The following CA10 variants were observed in gnomAD, a reference collection of about 807,000 sequenced individuals.
The protein encoded by CA10 is carbonic anhydrase-related protein 10.
CA10 carries 14 observed loss-of-function variants against 44.2 expected under a neutral mutation model. The ratio of observed to expected loss-of-function variants is 0.32; its 90% CI spans 0.21 to 0.50. The LOEUF (loss-of-function observed/expected upper bound fraction) is 0.50, where lower values mean the gene tolerates loss of function less well. CA10 is among the 20% of genes least tolerant of loss of function. The pLI is 0.99. For missense variants in CA10, 350 were observed against 409.7 expected (o/e 0.85, Z 1.26); for synonymous variants, 159 against 141.6 (o/e 1.12, Z -0.87).
intron 2 of CA10, among the ~76,000 whole-genome samples, chr17:52,055,867 G>A (rs1264439393): frequency 1.3e-5 from 2 of 152,082 alleles, no homozygotes; most frequent in African/African-American, 4.8e-5. Context: ...TAAGAATAAG[G>A]CAGATAGCCT....
intron 1 of CA10, among the ~76,000 whole-genome samples, chr17:52,145,983 A>G (rs1310320263): frequency 6.6e-6 from 1 of 152,238 alleles, no homozygotes; most frequent in East Asian, 1.9e-4. Context: ...ATGCTTAAAA[A>G]CAAGGGAAAG....
intron 2 of CA10, among the ~76,000 whole-genome samples, chr17:51,998,701 G>A (rs539712599): frequency 7.2e-5 from 11 of 152,150 alleles, no homozygotes; most frequent in Admixed American, 5.2e-4. Flanking sequence ...CAGGGAAAGA[G>A]TCTAGTATTA....
At chr17:52,138,724 G>A (rs1989412663) in intron 1 of CA10, among the ~76,000 whole-genome samples, 1 of 152,186 alleles carries the variant, frequency 6.6e-6, no homozygotes, top group Non-Finnish European at 1.5e-5. Flanking sequence ...ACACAGCAGT[G>A]GCAGGAGTCT....
At chr17:52,152,413 A>G (rs369748018) in intron 1 of CA10, among the ~76,000 whole-genome samples, 10 of 152,206 alleles carry the variant, frequency 6.6e-5, no homozygotes, top group African/African-American at 2.4e-4. Flanking sequence ...CAGTTGGGAC[A>G]TTCTTTAGCG....
intron 4 of CA10, among the ~76,000 whole-genome samples, chr17:51,689,087 C>T (rs1217895514): frequency 3.3e-5 from 5 of 152,202 alleles, no homozygotes; most frequent in African/African-American, 1.2e-4. Context: ...TGCTCTCAAC[C>T]ATATCATCCC....
chr17:51,871,218 C>A (rs541587033), intron 3 of CA10, among the ~76,000 whole-genome samples: 2 of 151,004 alleles, frequency 1.3e-5, no homozygotes, highest in East Asian at 3.9e-4. Flanking sequence ...CCAACCATGC[C>A]TGGCTTGCTT....
chr17:51,683,368 G>C (rs1263951), intron 4 of CA10, among the ~76,000 whole-genome samples: 63,836 of 152,004 alleles, frequency 0.42, 13,839 homozygotes, highest in African/African-American at 0.52. Flanking sequence ...AGACAAGTTA[G>C]TAAAGCTCTC....
chr17:51,756,708 C>T (rs990772957), intron 3 of CA10, among the ~76,000 whole-genome samples: 4 of 152,040 alleles, frequency 2.6e-5, no homozygotes, highest in African/African-American at 9.7e-5. Flanking sequence ...GATTTCCTGA[C>T]CTCATGATCC....
Position 51,889,696 on chromosome 17 carries a change from C to T in CA10, c.279+41294G>A, listed in dbSNP as rs117756990. Among the ~76,000 whole-genome samples the T allele has an allele frequency of 8.5e-5, 13 of 152,294 alleles. No homozygotes were observed. The East Asian group carries it at 2.3e-3, about 27-fold the overall frequency. ...TTGCCTACATTATAATTAAACTTTCCTACCCATAGGAGCATTTCTATCTTT... is the reference window on the plus strand; with the variant it reads ...TTGCCTACATTATAATTAAACTTTCTTACCCATAGGAGCATTTCTATCTTT... On this transcript the variant is annotated intron_variant, in intron 3 of 8. Coordinates refer to ENST00000451037, the MANE Select transcript of CA10 (RefSeq NM_020178.5).
At chr17:52,140,708 C>A (rs1206389333) in intron 1 of CA10, among the ~76,000 whole-genome samples, 3 of 152,076 alleles carry the variant, frequency 2.0e-5, no homozygotes, top group African/African-American at 7.2e-5. Context: ...AGTGCAAATA[C>A]CATGTCTAAG....
At chr17:52,154,361 T>C (rs1354086978) in intron 1 of CA10, among the ~76,000 whole-genome samples, 1 of 152,192 alleles carries the variant, frequency 6.6e-6, no homozygotes, top group East Asian at 1.9e-4. Context: ...GTGCAATATA[T>C]GTACAATGTG....
chr17:52,082,418 T>C (rs1029642836), intron 1 of CA10, among the ~76,000 whole-genome samples: 1 of 152,220 alleles, frequency 6.6e-6, no homozygotes, highest in African/African-American at 2.4e-5. Flanking sequence ...ACATTACGTC[T>C]TGTTTTTTCA....
chr17:51,820,405 A>ACCCCCC lies in CA10; in HGVS notation c.280-72593_280-72588dup, dbSNP rs748623140. 2.8e-4 allele frequency among the ~76,000 whole-genome samples: 11 copies of ACCCCCC among 39,172 alleles called. 1 individual carries two copies. The highest frequency in any genetic ancestry group is 5.1e-4 in the African/African-American group (3 of 5,888). The allele number at this position is 39,172 out of a possible 152,430, so 25.7% of individuals were successfully genotyped here. A position where few individuals can be genotyped will look rare whatever the true frequency, so the allele number is the denominator to read the frequency against. On this transcript the variant is annotated intron_variant, in intron 3 of 8. Transcript: ENST00000451037. ...GTTTTATAAACCTGGGGATTCCCCT[A>ACCCCCC]CCCCCCCCCCCCCGCCCGCCGATTT...
chr17:52,067,347 G>A (rs1878820030), intron 2 of CA10, among the ~76,000 whole-genome samples: 1 of 152,188 alleles, frequency 6.6e-6, no homozygotes. Flanking sequence ...ATGTGGTGTT[G>A]GGCCTGTGGG....
chr17:51,921,411 T>C (rs1341345810), intron 3 of CA10, among the ~76,000 whole-genome samples: 1 of 152,240 alleles, frequency 6.6e-6, no homozygotes, highest in African/African-American at 2.4e-5. Context: ...TTCTCCCCTA[T>C]GTCTGAGCCT....
chr17:52,039,494 A>G (rs963677242), intron 2 of CA10, among the ~76,000 whole-genome samples: 4 of 152,114 alleles, frequency 2.6e-5, no homozygotes, highest in African/African-American at 7.2e-5. Context: ...AGATGGCTGA[A>G]CCAATGGGCT....
chr17:51,713,536 T>G (rs1411178687), intron 4 of CA10, among the ~76,000 whole-genome samples: 1 of 152,240 alleles, frequency 6.6e-6, no homozygotes. Flanking sequence ...AGTTGTCACT[T>G]AAGCCTAGGA....
At chr17:51,791,669 T>C (rs1313815962) in intron 3 of CA10, among the ~76,000 whole-genome samples, 1 of 152,236 alleles carries the variant, frequency 6.6e-6, no homozygotes, top group African/African-American at 2.4e-5. Context: ...TCATGTTCAC[T>C]GTGGCGCCAC....
intron 2 of CA10, among the ~76,000 whole-genome samples, chr17:52,031,079 T>G: frequency 6.6e-6 from 1 of 152,136 alleles, no homozygotes; most frequent in Non-Finnish European, 1.5e-5. Flanking sequence ...AGAACCCTAA[T>G]AGAGGTATAC....
Sources: allele counts gnomAD v4.1 joint callset (sites outside exome capture counted in the v4.1 genomes callset), GRCh38; gene constraint gnomAD v4.1.1; transcripts MANE v1.5; gene names NCBI Gene and HGNC (gene_info 2026-07-23, HGNC 2026-07-21).